Variants in WNT5A observed in about 807,000 individuals in gnomAD.
The protein encoded by WNT5A is Wnt family member 5A, also known as protein Wnt-5a.
A neutral mutation model predicts 42.1 loss-of-function variants in WNT5A; 9 were observed. The ratio of observed to expected loss-of-function variants is 0.21; its 90% confidence interval spans 0.13 to 0.37. WNT5A has a LOEUF of 0.37. Among genes scored for constraint, WNT5A ranks in the 10% least tolerant of loss-of-function variants. WNT5A has a pLI of 1.00. For missense variants in WNT5A, 426 were observed against 534.0 expected, an observed-to-expected ratio of 0.80 and a Z score of 1.99; for synonymous variants, 210 against 210.0, an observed-to-expected ratio of 1.00 and a Z score of 0.00.
chr3:55,470,409 T>A lies in WNT5A; in HGVS notation c.826A>T (p.Met276Leu), dbSNP rs1182422577. Residue 276 changes from methionine (M) to leucine (L), a missense_variant, in exon 5 of 5, where the codon ATG (methionine) becomes TTG (leucine). Physicochemically the swap from Met to Leu is conservative, Grantham distance 15 (BLOSUM62 2). Transcript: ENST00000264634. The part of the protein sequence containing the change: ...LKEKYDSAAA[M>L]RLNSRGKLVQ... ...AACTTGCCCCGGCTGTTGAGCCGCA[T>A]GGCCGCCGCGCTGTCGTACTTCTCC... 1.9e-6 allele frequency: 3 copies of A among 1,613,426 alleles called. No individual in the cohort carries two copies. In the African/African-American group the frequency reaches 4.0e-5, roughly 22 times the overall value.
At position 55,468,795 on chromosome 3, in the gene WNT5A, G is replaced by T. The variant is rs2051192642; in HGVS notation, c.*1297C>A. On this transcript the variant is annotated 3_prime_UTR_variant, in exon 5 of 5. Transcript: ENST00000264634. Reference sequence around the variant, plus strand: ...GCAGTACAATAGGAGAAGCATGAGTGGATAATCTAAACACAGGATCATAAC... The same window carrying T: ...GCAGTACAATAGGAGAAGCATGAGTTGATAATCTAAACACAGGATCATAAC... The T allele has an allele frequency of 6.6e-6, 1 of 152,482 alleles. No individual in the cohort carries two copies. The highest frequency in any genetic ancestry group is 1.5e-5 in the Non-Finnish European group (1 of 68,032). 9.4% of individuals were successfully genotyped at this position (152,482 alleles called of 1,614,324 possible). A position where few individuals can be genotyped will look rare whatever the true frequency, so the allele number is the denominator to read the frequency against.
intron 1 of WNT5A, among the ~76,000 whole-genome samples, chr3:55,485,558 C>T (rs527333286): frequency 1.4e-4 from 21 of 152,234 alleles, no homozygotes; most frequent in African/African-American, 4.6e-4. Flanking sequence ...CATTTGTCGG[C>T]CCGCGGTTCG....
At chr3:55,500,877 T>C in the WNT5A span, among the ~76,000 whole-genome samples, 7 of 152,200 alleles carry the variant, frequency 4.6e-5, no homozygotes, top group Admixed American at 3.9e-4. Flanking sequence ...TCTGTAATAA[T>C]GACTTCATTA....
intron 1 of WNT5A, among the ~76,000 whole-genome samples, chr3:55,484,771 G>A (rs1299337682): frequency 6.6e-6 from 1 of 151,456 alleles, no homozygotes; most frequent in East Asian, 1.9e-4. Flanking sequence ...TAGCCCTCTC[G>A]GCAGAGGATC....
intron 1 of WNT5A, among the ~76,000 whole-genome samples, chr3:55,484,850 C>T (rs2051545869): frequency 6.6e-6 from 1 of 152,200 alleles, no homozygotes; most frequent in African/African-American, 2.4e-5. Flanking sequence ...CCAACCCCCA[C>T]TCTTTAAAGG....
intron 1 of WNT5A, among the ~76,000 whole-genome samples, chr3:55,482,608 A>G (rs2051490036): frequency 6.6e-6 from 1 of 152,110 alleles, no homozygotes; most frequent in African/African-American, 2.4e-5. Context: ...GGGGCTTCTC[A>G]AAGAGGAAAT....
At chr3:55,475,188 CA>C (rs2051332319) in intron 3 of WNT5A, among the ~76,000 whole-genome samples, 1 of 152,078 alleles carries the variant, frequency 6.6e-6, no homozygotes, top group South Asian at 2.1e-4. Flanking sequence ...TTGCTATTTG[CA>C]AAAATGCACA....
intron 4 of WNT5A, among the ~76,000 whole-genome samples, chr3:55,472,919 A>G (rs951359348): frequency 2.0e-5 from 3 of 152,194 alleles, no homozygotes; most frequent in African/African-American, 7.2e-5. Context: ...AAGTGTTCAC[A>G]ATTTCACATG....
At chr3:55,476,526 A>G (rs560108627) in intron 3 of WNT5A, among the ~76,000 whole-genome samples, 1 of 152,294 alleles carries the variant, frequency 6.6e-6, no homozygotes, top group South Asian at 2.1e-4. Flanking sequence ...GAGGAGATGA[A>G]ATGATCCTCT....
At chr3:55,493,659 T>A (rs1204057386), upstream of WNT5A, among the ~76,000 whole-genome samples, 11 of 152,222 alleles carry the variant, frequency 7.2e-5, no homozygotes, top group East Asian at 2.1e-3. Flanking sequence ...GAAGGAATGA[T>A]CTTACCTGTG....
the WNT5A span, among the ~76,000 whole-genome samples, chr3:55,496,510 C>G: frequency 1.3e-5 from 2 of 152,144 alleles, no homozygotes; most frequent in Admixed American, 6.5e-5. Context: ...TTAAATTTAC[C>G]TATTCCGGCA....
chr3:55,480,664 C>A, intron 2 of WNT5A, 121 bp downstream of exon 2: 1 of 1,051,384 alleles, frequency 9.5e-7, no homozygotes, highest in Non-Finnish European at 1.3e-6. Flanking sequence ...AAAATGTATA[C>A]ATATGTCTTG....
the WNT5A span, chr3:55,497,604 T>A: frequency 6.6e-6 from 1 of 152,248 alleles, no homozygotes; most frequent in Non-Finnish European, 1.5e-5. Context: ...TGCTGAGCAT[T>A]TTACATACAT....
At chr3:55,479,884 A>G (rs568390861) in intron 2 of WNT5A, among the ~76,000 whole-genome samples, 1 of 152,274 alleles carries the variant, frequency 6.6e-6, no homozygotes, top group South Asian at 2.1e-4. Context: ...AGTTTGAGGG[A>G]CAGGCCTCTG....
In WNT5A at chr3:55,482,296, TCTC is replaced by T. The variant is rs1287546756; in HGVS notation, c.7-1381_7-1379del. 7.9e-5 allele frequency among the ~76,000 whole-genome samples: 12 copies of T among 152,126 alleles called. No individual in the cohort carries two copies. In the East Asian group the frequency reaches 2.3e-3, roughly 29 times the overall value. ...CTGCCGTTCCTCCCCACTGGTGACT[TCTC>T]CACCTGTAGGCGGCGGCGGAGCGAG... On this transcript the variant is annotated intron_variant, in intron 1 of 4. Transcript: ENST00000264634.
chr3:55,472,479 C>T lies in WNT5A; in HGVS notation c.684+1858G>A, dbSNP rs1342551897. On this transcript the variant is annotated intron_variant, in intron 4 of 4. Coordinates refer to ENST00000264634, the MANE Select transcript of WNT5A (RefSeq NM_003392.7). ...GTCATATATAGAGATCCCAGCGATA[C>T]ATCCCTGAAGAGGGTGATAGCAAGG... is the stretch of plus-strand genomic sequence containing the variant. 2.0e-5 allele frequency among the ~76,000 whole-genome samples: 3 copies of T among 152,188 alleles called. No homozygotes were observed. In the South Asian group the frequency reaches 6.2e-4, roughly 32 times the overall value.
chr3:55,491,418 C>T (rs1463015534), upstream of WNT5A, among the ~76,000 whole-genome samples: 1 of 152,194 alleles, frequency 6.6e-6, no homozygotes, highest in Non-Finnish European at 1.5e-5. Context: ...CGAAGATATA[C>T]TGGCAAGGCA....
In WNT5A at chr3:55,481,368, T is replaced by TGGGCGAGAGGAGCACGG. The variant is rs879581245; in HGVS notation, c.7-467_7-451dup. ...ACAAGTGGAGCCAGAATTAATTCCA[T>TGGGCGAGAGGAGCACGG]GGGCGAGAGGAGCACGGAGGCGAGT... On this transcript the variant is annotated intron_variant, in intron 1 of 4. Transcript: ENST00000264634. The TGGGCGAGAGGAGCACGG allele has an allele frequency of 5.1e-6, 5 of 984,492 alleles. No individual in the cohort carries two copies. The African/African-American group carries it at 8.8e-5, about 17-fold the overall frequency. The allele number at this position is 984,492 out of a possible 1,614,324, so 61.0% of individuals were successfully genotyped here.
chr3:55,474,190 CAGAA>C, intron 4 of WNT5A, 143 bp downstream of exon 4: 1 of 998,036 alleles, frequency 1.0e-6, no homozygotes, highest in African/African-American at 1.6e-5. Context: ...TAGGGAGAGA[CAGAA>C]AGAGAAGCAG....
Sources: gnomAD v4.1 joint callset for allele counts (sites outside exome capture counted in the v4.1 genomes callset) on GRCh38, gnomAD v4.1.1 for gene constraint, MANE v1.5 for transcripts, NCBI Gene and HGNC (gene_info 2026-07-23, HGNC 2026-07-21) for gene names.